The following ICA1L variants were observed in gnomAD, a reference collection of about 807,000 sequenced individuals.
ICA1L encodes the protein islet cell autoantigen 1 like, also known as islet cell autoantigen 1-like protein.
In ICA1L, 50 loss-of-function variants were observed where a neutral mutation model predicts 61.3. That is an observed-to-expected ratio of 0.82 (90% confidence interval 0.65 to 1.03). The LOEUF (loss-of-function observed/expected upper bound fraction) is 1.03, where lower values mean the gene tolerates loss of function less well. ICA1L is among the 50% of genes least tolerant of loss of function. The probability of loss-of-function intolerance (pLI) is 0.00; values close to 1 mark genes in which losing one functional copy is unlikely to be tolerated. For missense variants in ICA1L, 508 were observed against 556.7 expected, an observed-to-expected ratio of 0.91 and a Z score of 0.88; for synonymous variants, 161 against 191.3, an observed-to-expected ratio of 0.84 and a Z score of 1.31.
At chr2:202,842,670 T>C (rs1694364544) in intron 1 of ICA1L, among the ~76,000 whole-genome samples, 1 of 152,248 alleles carries the variant, frequency 6.6e-6, no homozygotes, top group Admixed American at 6.5e-5. Flanking sequence ...GACCTTCTCA[T>C]ACCTGGATAT....
intron 1 of ICA1L, chr2:202,841,267 C>T (rs1694322286): frequency 6.8e-6 from 5 of 735,530 alleles, no homozygotes; most frequent in Admixed American, 5.2e-5. Flanking sequence ...AAGTCTTCCA[C>T]CAGCCCTGGC....
chr2:202,792,394 C>CAGT (rs1252219193), intron 10 of ICA1L, among the ~76,000 whole-genome samples: 2 of 152,034 alleles, frequency 1.3e-5, no homozygotes, highest in Non-Finnish European at 2.9e-5. Context: ...CATGAATGTT[C>CAGT]AGTAGTAGTA....
At chr2:202,864,279 TG>T (rs1164708075) in intron 1 of ICA1L, among the ~76,000 whole-genome samples, 2 of 152,100 alleles carry the variant, frequency 1.3e-5, no homozygotes, top group African/African-American at 4.8e-5. Context: ...AGTCTTGCTC[TG>T]TCGCCCAGGC....
intron 1 of ICA1L, among the ~76,000 whole-genome samples, chr2:202,869,982 T>C (rs1407998012): frequency 6.6e-6 from 1 of 152,130 alleles, no homozygotes; most frequent in Non-Finnish European, 1.5e-5. Context: ...AACGAGGAAA[T>C]CTTTCCAGTT....
Position 202,786,048 on chromosome 2 carries a change from T to C in ICA1L, c.1244-41A>G, listed in dbSNP as rs201046772. The C allele has an allele frequency of 3.1e-5, 34 of 1,114,384 alleles. No individual in the cohort carries two copies. The Middle Eastern group carries it at 1.2e-3, about 40-fold the overall frequency. 69.0% of individuals were successfully genotyped at this position (1,114,384 alleles called of 1,614,324 possible). A position where few individuals can be genotyped will look rare whatever the true frequency, so the allele number is the denominator to read the frequency against. ...TAAAAATTGTCCATTGTTAATCAAATAGGAAGCAGCATCAGAAAAACAAGA... is the reference window on the plus strand; with the variant it reads ...TAAAAATTGTCCATTGTTAATCAAACAGGAAGCAGCATCAGAAAAACAAGA... On this transcript the variant is annotated intron_variant, in intron 11 of 12. Transcript: ENST00000358299.
chr2:202,795,719 CA>C (rs1692904834), intron 10 of ICA1L, among the ~76,000 whole-genome samples: 1 of 152,036 alleles, frequency 6.6e-6, no homozygotes, highest in Non-Finnish European at 1.5e-5. Flanking sequence ...GATGTTATCT[CA>C]ATACTAGGAC....
At chr2:202,818,494 A>T (rs1693605363) in intron 5 of ICA1L, among the ~76,000 whole-genome samples, 1 of 152,132 alleles carries the variant, frequency 6.6e-6, no homozygotes, top group Non-Finnish European at 1.5e-5. Context: ...TAGGGTCCAG[A>T]TAGGGACTTG....
At chr2:202,841,798 G>A (rs1694340867) in intron 1 of ICA1L, 1 of 372,746 alleles carries the variant, frequency 2.7e-6, no homozygotes. Flanking sequence ...TGCAGGAGTG[G>A]AGGCAGGTGG....
intron 10 of ICA1L, among the ~76,000 whole-genome samples, chr2:202,796,030 G>A (rs1373069566): frequency 4.7e-5 from 7 of 149,042 alleles, no homozygotes; most frequent in Non-Finnish European, 8.9e-5. Flanking sequence ...ATGACAGAGC[G>A]AGACTGTTAA....
chr2:202,814,229 T>C (rs1426256853), intron 8 of ICA1L, among the ~76,000 whole-genome samples: 2 of 152,108 alleles, frequency 1.3e-5, no homozygotes, highest in African/African-American at 4.8e-5. Context: ...TAGGAGGTGT[T>C]TGGGTCATTG....
At position 202,840,621 on chromosome 2, in the gene ICA1L, T is replaced by A. The variant is rs1036422377; in HGVS notation, c.-7-11605A>T. 3 of 577,460 alleles carry A rather than the reference T, an allele frequency of 5.2e-6. No individual in the cohort carries two copies. In the African/African-American group the frequency reaches 5.6e-5, roughly 11 times the overall value. 35.8% of individuals were successfully genotyped at this position (577,460 alleles called of 1,614,324 possible). Reference sequence around the variant, plus strand: ...TCCAGCAGCTTCCTGTAGATGGTGATCTTGATGTCCAGGGCCAGCCTGATG... The same window carrying A: ...TCCAGCAGCTTCCTGTAGATGGTGAACTTGATGTCCAGGGCCAGCCTGATG... On this transcript the variant is annotated intron_variant, in intron 1 of 12. Coordinates refer to ENST00000358299, the MANE Select transcript of ICA1L (RefSeq NM_001288622.3).
chr2:202,806,047 G>A (rs987792957), intron 9 of ICA1L, among the ~76,000 whole-genome samples: 2 of 151,978 alleles, frequency 1.3e-5, no homozygotes, highest in Non-Finnish European at 2.9e-5. Context: ...AAAATACCTC[G>A]GCCAGGCACT....
chr2:202,850,210 A>G (rs1694581349), intron 1 of ICA1L, among the ~76,000 whole-genome samples: 3 of 152,192 alleles, frequency 2.0e-5, no homozygotes, highest in African/African-American at 4.8e-5. Context: ...AAAATGCTGA[A>G]AATTCCAAAA....
rs1694501069 is a variant in ICA1L, at chr2:202,847,695, T to TATATATATATATATA, written c.-7-18680_-7-18679insTATATATATATATAT. 3.9e-5 allele frequency among the ~76,000 whole-genome samples: 4 copies of TATATATATATATATA among 102,230 alleles called. 1 individual carries two copies. Among genetic ancestry groups the TATATATATATATATA allele is most frequent in the African/African-American group, 1.7e-4 (4 of 23,254 alleles). The allele number at this position is 102,230 out of a possible 152,430, so 67.1% of individuals were successfully genotyped here. On this transcript the variant is annotated intron_variant, in intron 1 of 12. Coordinates refer to ENST00000358299, the MANE Select transcript of ICA1L (RefSeq NM_001288622.3). ...CTTAGAATGAAATATTATATGGGAA[T>TATATATATATATATA]TATATATATATATAGTTAAGCAGTG...
In ICA1L at chr2:202,870,483, A is replaced by C. The variant is rs543560031; in HGVS notation, c.-8+1136T>G. The C allele has an allele frequency of 3.9e-5, 6 of 152,346 alleles. No homozygotes were observed. In the South Asian group the frequency reaches 1.2e-3, roughly 32 times the overall value. 9.4% of individuals were successfully genotyped at this position (152,346 alleles called of 1,614,324 possible). On this transcript the variant is annotated intron_variant, in intron 1 of 12. Coordinates refer to ENST00000358299, the MANE Select transcript of ICA1L (RefSeq NM_001288622.3). ...CTGGGTATGATAGGCACAGATAACA[A>C]ATACTAAACGATTTAAAATTTTGGT...
At chr2:202,812,269 T>C (rs2105843963) in intron 8 of ICA1L, among the ~76,000 whole-genome samples, 1 of 152,262 alleles carries the variant, frequency 6.6e-6, no homozygotes, top group African/African-American at 2.4e-5. Context: ...TCTGATATAA[T>C]AGACAAAAAG....
At position 202,776,214 on chromosome 2, in the gene ICA1L, A is replaced by C. The variant is rs74685267; in HGVS notation, c.*3319T>G. On this transcript the variant is annotated 3_prime_UTR_variant, in exon 13 of 13. Coordinates refer to ENST00000358299, the MANE Select transcript of ICA1L (RefSeq NM_001288622.3). ...TCTACAATTAATGAAGGATTTCAAA[A>C]ACATACAAAATTACACCAATCTGAT... 2.6e-5 allele frequency: 4 copies of C among 151,944 alleles called. No homozygotes were observed. In the East Asian group the frequency reaches 7.7e-4, roughly 29 times the overall value. 9.4% of individuals were successfully genotyped at this position (151,944 alleles called of 1,614,324 possible). A position where few individuals can be genotyped will look rare whatever the true frequency, so the allele number is the denominator to read the frequency against.
intron 1 of ICA1L, among the ~76,000 whole-genome samples, chr2:202,868,733 G>C (rs1687599108): frequency 6.6e-6 from 1 of 152,126 alleles, no homozygotes; most frequent in Admixed American, 6.5e-5. Context: ...TTGGGAGGCT[G>C]AGGCTGGTGG....
At chr2:202,786,994 ATC>A (rs1380194642) in intron 11 of ICA1L, among the ~76,000 whole-genome samples, 2 of 152,200 alleles carry the variant, frequency 1.3e-5, no homozygotes, top group African/African-American at 4.8e-5. Flanking sequence ...TATAGAAAAG[ATC>A]TGAGGCCCAA....
Sources: allele counts gnomAD v4.1 joint callset (sites outside exome capture counted in the v4.1 genomes callset), GRCh38; gene constraint gnomAD v4.1.1; transcripts MANE v1.5; gene names NCBI Gene and HGNC (gene_info 2026-07-23, HGNC 2026-07-21).